APBB2: variants seen among roughly 807,000 people sequenced by gnomAD.
APBB2 encodes the protein amyloid beta precursor protein binding family B member 2.
A neutral mutation model predicts 82.5 loss-of-function variants in APBB2; 38 were observed. That is an observed-to-expected ratio of 0.46 (90% CI 0.36 to 0.60). APBB2 has a LOEUF of 0.60. Among genes scored for constraint, APBB2 ranks in the 20% least tolerant of loss-of-function variants. The pLI, the probability that APBB2 is intolerant of heterozygous loss-of-function variation, is 0.00. For synonymous variants in APBB2, 341 were observed against 368.2 expected (o/e 0.93, Z 0.85); for missense variants, 772 against 972.3 (o/e 0.79, Z 2.74).
chr4:40,927,524 C>A lies in APBB2; in HGVS notation c.1254+6932G>T, dbSNP rs559160523. On this transcript the variant is annotated intron_variant, in intron 10 of 17. Coordinates refer to ENST00000508593, the MANE Select transcript of APBB2 (RefSeq NM_004307.2). ...AGAGACAGGGTCTCACTCTGTCACC[C>A]AGGCTGAAGTGCAGTGGCCGATCAT... is the stretch of plus-strand genomic sequence containing the variant. Among the ~76,000 whole-genome samples the A allele has an allele frequency of 3.9e-5, 6 of 152,252 alleles. No homozygotes were observed. The East Asian group carries it at 1.2e-3, about 29-fold the overall frequency.
intron 2 of APBB2, among the ~76,000 whole-genome samples, chr4:41,121,979 T>G (rs1752978689): frequency 1.3e-5 from 2 of 151,946 alleles, no homozygotes; most frequent in African/African-American, 4.8e-5. Context: ...AAAGCTGGAG[T>G]GCAGTGGCCC....
intron 2 of APBB2, among the ~76,000 whole-genome samples, chr4:41,112,658 C>T (rs1749601499): frequency 6.6e-6 from 1 of 152,096 alleles, no homozygotes; most frequent in African/African-American, 2.4e-5. Flanking sequence ...ACAATGAAGC[C>T]AAAAATCACT....
At chr4:41,154,937 G>C (rs1157247172) in intron 1 of APBB2, among the ~76,000 whole-genome samples, 1 of 152,122 alleles carries the variant, frequency 6.6e-6, no homozygotes, top group East Asian at 1.9e-4. Context: ...GACAGACGGG[G>C]CACCCTAGGG....
At chr4:40,887,628 G>A (rs1770700173) in intron 12 of APBB2, among the ~76,000 whole-genome samples, 1 of 152,118 alleles carries the variant, frequency 6.6e-6, no homozygotes, top group African/African-American at 2.4e-5. Flanking sequence ...GGAAACTCAG[G>A]GGACCAATGG....
chr4:40,928,933 TAG>T (rs1299032417), intron 10 of APBB2, among the ~76,000 whole-genome samples: 7 of 149,576 alleles, frequency 4.7e-5, no homozygotes, highest in Non-Finnish European at 8.9e-5. Context: ...AATACATGCA[TAG>T]AGACTAAAAT....
intron 1 of APBB2, among the ~76,000 whole-genome samples, chr4:41,148,624 G>A (rs999267752): frequency 1.3e-5 from 2 of 152,212 alleles, no homozygotes; most frequent in African/African-American, 2.4e-5. Context: ...AGGCTCAGGG[G>A]GCTAAAGGAA....
chr4:40,948,831 T>C (rs1188014578), intron 6 of APBB2, among the ~76,000 whole-genome samples: 1 of 128,114 alleles, frequency 7.8e-6, no homozygotes, highest in East Asian at 2.2e-4. Context: ...GGAGGCTGCA[T>C]GGAGCCATAA....
intron 2 of APBB2, among the ~76,000 whole-genome samples, chr4:41,123,078 T>C (rs1305586480): frequency 6.6e-6 from 1 of 151,980 alleles, no homozygotes; most frequent in Admixed American, 6.6e-5. Context: ...GCACCACATC[T>C]CCAGCAGCCC....
chr4:40,842,309 G>A, intron 12 of APBB2: 1 of 439,270 alleles, frequency 2.3e-6, no homozygotes, highest in South Asian at 1.6e-5. Flanking sequence ...GAAAGCAAGT[G>A]AGCTTTGCCA....
At chr4:40,948,531 C>A (rs1050124440) in intron 6 of APBB2, among the ~76,000 whole-genome samples, 1 of 151,894 alleles carries the variant, frequency 6.6e-6, no homozygotes, top group African/African-American at 2.4e-5. Flanking sequence ...GAGGCCGAGG[C>A]GGGCAGATCA....
At chr4:41,136,167 G>A (rs1012150450) in intron 2 of APBB2, among the ~76,000 whole-genome samples, 4 of 152,136 alleles carry the variant, frequency 2.6e-5, no homozygotes, top group East Asian at 1.9e-4. Context: ...CAAAGTAAAC[G>A]ATGGTTAAGA....
At chr4:40,950,481 G>A (rs1166057378) in intron 6 of APBB2, among the ~76,000 whole-genome samples, 1 of 152,194 alleles carries the variant, frequency 6.6e-6, no homozygotes, top group African/African-American at 2.4e-5. Flanking sequence ...GGAGGTCAAG[G>A]CGGGAGAACT....
At chr4:40,881,126 A>C in intron 12 of APBB2, 1 of 985,438 alleles carries the variant, frequency 1.0e-6, no homozygotes, top group Non-Finnish European at 1.2e-6. Flanking sequence ...CCACAGTGTA[A>C]GTCAGCAAAA....
chr4:40,827,856 G>A lies in APBB2; in HGVS notation c.1645-637C>T, dbSNP rs112264261. Among the ~76,000 whole-genome samples the A allele has an allele frequency of 1.4e-3, 219 of 152,244 alleles. 2 individuals carry two copies. The East Asian group carries it at 0.02, about 14-fold the overall frequency. ...TTGGCTGTGTCCTCACCCAAATCTC[G>A]TCGTGAATTGTAGCTCCCTTAATTC... On this transcript the variant is annotated intron_variant, in intron 13 of 17. Transcript: ENST00000508593.
intron 2 of APBB2, among the ~76,000 whole-genome samples, chr4:41,125,395 G>T (rs896637678): frequency 1.3e-5 from 2 of 152,176 alleles, no homozygotes; most frequent in African/African-American, 2.4e-5. Flanking sequence ...AATAGAGAAT[G>T]AGAGTACTTC....
intron 7 of APBB2, among the ~76,000 whole-genome samples, chr4:40,944,072 A>G (rs1298118303): frequency 1.3e-5 from 2 of 152,278 alleles, no homozygotes; most frequent in African/African-American, 4.8e-5. Context: ...TCAAGGCAAA[A>G]GAAGATGGGC....
intron 12 of APBB2, among the ~76,000 whole-genome samples, chr4:40,871,018 A>G (rs989559135): frequency 2.3e-5 from 3 of 129,842 alleles, no homozygotes; most frequent in Non-Finnish European, 3.4e-5. Flanking sequence ...ATATATATAT[A>G]TGTGTAAGTG....
chr4:40,822,922 C>T (rs940591571), intron 16 of APBB2, among the ~76,000 whole-genome samples: 13 of 151,976 alleles, frequency 8.6e-5, no homozygotes, highest in African/African-American at 2.7e-4. Flanking sequence ...TGGGGAAGGG[C>T]GGGACCTACT....
chr4:41,198,345 G>A, intron 1 of APBB2, among the ~76,000 whole-genome samples: 215 of 152,284 alleles, frequency 1.4e-3, no homozygotes, highest in African/African-American at 5.1e-3. Flanking sequence ...GCTAGCATAT[G>A]GCCTGTCATT....
Sources: gnomAD v4.1 joint callset for allele counts (sites outside exome capture counted in the v4.1 genomes callset) on GRCh38, gnomAD v4.1.1 for gene constraint, MANE v1.5 for transcripts, NCBI Gene and HGNC (gene_info 2026-07-23, HGNC 2026-07-21) for gene names.